Variants in ZFHX3 observed in about 807,000 individuals in gnomAD.
ZFHX3 encodes zinc finger homeobox protein 3.
In ZFHX3, 42 loss-of-function variants were observed where a neutral mutation model predicts 279.1. The ratio of observed to expected loss-of-function variants is 0.15; its 90% CI spans 0.12 to 0.19. The LOEUF (loss-of-function observed/expected upper bound fraction) is 0.19. Ranked by LOEUF, ZFHX3 falls within the 10% of genes least tolerant of loss-of-function variation. The probability of loss-of-function intolerance (pLI) is 1.00; values close to 1 mark genes in which losing one functional copy is unlikely to be tolerated. For synonymous variants in ZFHX3, 2,293 were observed against 1,957.8 expected (o/e 1.17, Z -4.52); for missense variants, 4,981 against 4,754.0 (o/e 1.05, Z -1.40).
intron 1 of ZFHX3, among the ~76,000 whole-genome samples, chr16:72,977,862 T>C (rs9924932): frequency 8.1e-4 from 123 of 151,056 alleles, no homozygotes; most frequent in African/African-American, 2.6e-3. Context: ...GGGATTTTTT[T>C]TCTTTTTTCT....
At chr16:72,867,169 G>A (rs886086688) in intron 4 of ZFHX3, among the ~76,000 whole-genome samples, 1 of 152,198 alleles carries the variant, frequency 6.6e-6, no homozygotes, top group Non-Finnish European at 1.5e-5. Context: ...CCCACAGGAA[G>A]CTGAGGAAGC....
At position 73,675,193 on chromosome 16, in the gene ZFHX3, T is replaced by C. The variant is rs538898028; in HGVS notation, c.-1547+4987A>G. Among the ~76,000 whole-genome samples, 4 of 152,148 alleles carry C rather than the reference T, an allele frequency of 2.6e-5. No homozygotes were observed. In the East Asian group the frequency reaches 7.7e-4, roughly 29 times the overall value. ...TTCAGACTTGTGAGACTTTCCTGGT[T>C]CTCAAGCAAAGACAGTATTAAAGCC... On this transcript the variant is annotated intron_variant, in intron 2 of 17. Transcript: ENST00000641206.
chr16:73,378,636 A>T (rs1799562906), intron 3 of ZFHX3, among the ~76,000 whole-genome samples: 1 of 152,224 alleles, frequency 6.6e-6, no homozygotes, highest in South Asian at 2.1e-4. Flanking sequence ...CCAGAGGTTG[A>T]TCTGCACCAA....
chr16:73,053,795 G>A (rs1473357448), intron 1 of ZFHX3, among the ~76,000 whole-genome samples: 1 of 152,176 alleles, frequency 6.6e-6, no homozygotes, highest in Non-Finnish European at 1.5e-5. Flanking sequence ...CAAGGCGGGG[G>A]TAGGGATAAG....
chr16:73,382,014 T>C (rs1385583684), intron 3 of ZFHX3, among the ~76,000 whole-genome samples: 1 of 152,236 alleles, frequency 6.6e-6, no homozygotes, highest in Non-Finnish European at 1.5e-5. Context: ...CATGGCTGTG[T>C]TCCAATAAAA....
At position 73,514,903 on chromosome 16, in the gene ZFHX3, TC is replaced by T. The variant is rs200583158; in HGVS notation, c.-1546-58646del. Among the ~76,000 whole-genome samples the T allele has an allele frequency of 7.0e-3, 1,063 of 152,282 alleles. 6 individuals carry two copies. The highest frequency in any genetic ancestry group is 0.011 in the Non-Finnish European group (715 of 68,018). ...CCCTATCCCAGCCTCCCTCCTCCCATCTTTTCCTCTCTCTCCCCCACATATG... is the reference window on the plus strand; with the variant it reads ...CCCTATCCCAGCCTCCCTCCTCCCATTTTTCCTCTCTCTCCCCCACATATG... On this transcript the variant is annotated intron_variant, in intron 2 of 17. Transcript: ENST00000641206.
chr16:73,151,961 C>T (rs557714939), intron 5 of ZFHX3, among the ~76,000 whole-genome samples: 6 of 129,972 alleles, frequency 4.6e-5, no homozygotes, highest in South Asian at 2.9e-4. Context: ...AGGAGAGGGG[C>T]GGAGAAGAGA....
chr16:72,877,363 TTGTTGTTGTTGG>T (rs917045851), intron 4 of ZFHX3, among the ~76,000 whole-genome samples: 1 of 87,592 alleles, frequency 1.1e-5, no homozygotes, highest in Admixed American at 9.8e-5. Context: ...GGTTTTTCTG[TTGTTGTTGTTGG>T]TGTTGTTGTT....
intron 1 of ZFHX3, among the ~76,000 whole-genome samples, chr16:72,986,596 A>G (rs1962854598): frequency 3.3e-5 from 5 of 152,204 alleles, no homozygotes; most frequent in Admixed American, 3.3e-4. Context: ...TCTTGGTCAC[A>G]GACACCACCG....
intron 5 of ZFHX3, among the ~76,000 whole-genome samples, chr16:73,254,222 C>T (rs1354030244): frequency 3.3e-5 from 5 of 152,164 alleles, no homozygotes; most frequent in African/African-American, 1.2e-4. Context: ...TACACATGGT[C>T]TGAGGCACTT....
chr16:73,835,410 C>G (rs975206348), intron 1 of ZFHX3, among the ~76,000 whole-genome samples: 5 of 151,366 alleles, frequency 3.3e-5, no homozygotes, highest in Non-Finnish European at 7.4e-5. Flanking sequence ...CCACCTTTCC[C>G]CACCATCCCT....
chr16:73,805,248 A>G (rs1465594068), intron 1 of ZFHX3, among the ~76,000 whole-genome samples: 2 of 152,090 alleles, frequency 1.3e-5, no homozygotes, highest in African/African-American at 4.8e-5. Flanking sequence ...TGCTCACTGT[A>G]ACCTCCGCCT....
At chr16:73,029,678 C>A (rs2045195665) in intron 1 of ZFHX3, among the ~76,000 whole-genome samples, 1 of 152,164 alleles carries the variant, frequency 6.6e-6, no homozygotes, top group African/African-American at 2.4e-5. Context: ...CTCACAAGGC[C>A]ATCGCCCAAG....
intron 3 of ZFHX3, among the ~76,000 whole-genome samples, chr16:72,933,757 T>C (rs571238420): frequency 1.3e-5 from 2 of 150,636 alleles, no homozygotes. Context: ...AGCAAAACAC[T>C]AAAAAGACCC....
At chr16:72,812,136 G>A in intron 5 of ZFHX3, 98 bp from the exon 6 acceptor site, 1 of 1,481,610 alleles carries the variant, frequency 6.7e-7, no homozygotes, top group Non-Finnish European at 9.0e-7. Context: ...TATAGCACAG[G>A]ATTTTCTTAA....
chr16:73,302,733 CA>C (rs1439057056), intron 4 of ZFHX3, among the ~76,000 whole-genome samples: 4 of 152,202 alleles, frequency 2.6e-5, no homozygotes, highest in African/African-American at 4.8e-5. Flanking sequence ...GAATGACTGT[CA>C]AGGCCGGTGG....
intron 7 of ZFHX3, among the ~76,000 whole-genome samples, chr16:73,095,644 G>T (rs1966152067): frequency 6.6e-6 from 1 of 152,150 alleles, no homozygotes; most frequent in African/African-American, 2.4e-5. Flanking sequence ...TTTACTTTTT[G>T]GTGATTATTT....
intron 5 of ZFHX3, among the ~76,000 whole-genome samples, chr16:73,180,158 G>T (rs543292063): frequency 6.6e-6 from 1 of 152,278 alleles, no homozygotes; most frequent in Admixed American, 6.5e-5. Context: ...TTGGCCAGTC[G>T]TTCCTGTTTC....
intron 4 of ZFHX3, among the ~76,000 whole-genome samples, chr16:72,866,449 C>G (rs1039679312): frequency 6.6e-6 from 1 of 152,144 alleles, no homozygotes; most frequent in African/African-American, 2.4e-5. Flanking sequence ...TGTGCATGTG[C>G]ATTCATGAGC....
Sources: gnomAD v4.1 joint callset for allele counts (sites outside exome capture counted in the v4.1 genomes callset) on GRCh38, gnomAD v4.1.1 for gene constraint, MANE v1.5 for transcripts, NCBI Gene and HGNC (gene_info 2026-07-23, HGNC 2026-07-21) for gene names.